The following CYRIB variants were observed in gnomAD, a reference collection of about 807,000 sequenced individuals.
CYRIB encodes CYFIP related Rac1 interactor B, also known as CYFIP-related Rac1 interactor B.
In CYRIB, 8 loss-of-function variants were observed where a neutral mutation model predicts 44.2. That is an observed-to-expected ratio of 0.18 (90% confidence interval 0.11 to 0.33). The LOEUF is 0.33. Ranked by LOEUF, CYRIB falls within the 10% of genes least tolerant of loss-of-function variation. The pLI is 1.00. For missense variants in CYRIB, 185 were observed against 382.8 expected (o/e 0.48, Z 4.31); for synonymous variants, 131 against 127.2 (o/e 1.03, Z -0.20).
intron 5 of CYRIB, among the ~76,000 whole-genome samples, chr8:129,857,413 T>G (rs1458170093): frequency 6.6e-6 from 1 of 152,136 alleles, no homozygotes; most frequent in Non-Finnish European, 1.5e-5. Flanking sequence ...AGCCAGACCC[T>G]GAACTGAGAA....
chr8:129,888,998 C>T (rs950608884), intron 2 of CYRIB, among the ~76,000 whole-genome samples: 7 of 152,116 alleles, frequency 4.6e-5, no homozygotes, highest in South Asian at 2.1e-4. Context: ...GAGGCTGAGG[C>T]AGGAGAACTG....
intron 3 of CYRIB, among the ~76,000 whole-genome samples, chr8:129,876,522 A>T (rs1365039713): frequency 1.3e-5 from 2 of 152,200 alleles, no homozygotes; most frequent in African/African-American, 4.8e-5. Context: ...TGTATGTTGA[A>T]CTGAAGTGAA....
chr8:129,912,731 A>T (rs1321909865), intron 1 of CYRIB, among the ~76,000 whole-genome samples: 1 of 149,480 alleles, frequency 6.7e-6, no homozygotes, highest in Non-Finnish European at 1.5e-5. Context: ...CTTGCAAGTC[A>T]TTTTTTTTTC....
chr8:129,976,339 A>G (rs1424354975), intron 1 of CYRIB, among the ~76,000 whole-genome samples: 1 of 152,240 alleles, frequency 6.6e-6, no homozygotes, highest in African/African-American at 2.4e-5. Flanking sequence ...TGCAATAAAC[A>G]TCTGCTATTT....
exon 12 of CYRIB, chr8:129,839,889 TATTC>T (rs1417083793): frequency 1.3e-5 from 2 of 152,284 alleles, no homozygotes; most frequent in African/African-American, 4.8e-5. Context: ...TTTTGATTTG[TATTC>T]ATTCAGTCCA....
intron 11 of CYRIB, among the ~76,000 whole-genome samples, chr8:129,844,975 T>A (rs889641508): frequency 6.6e-6 from 1 of 152,248 alleles, no homozygotes; most frequent in African/African-American, 2.4e-5. Context: ...CAACATTTTA[T>A]TTTCTAGTTT....
At chr8:129,982,455 G>T (rs970874473) in intron 1 of CYRIB, among the ~76,000 whole-genome samples, 2 of 152,150 alleles carry the variant, frequency 1.3e-5, no homozygotes, top group Non-Finnish European at 2.9e-5. Context: ...CTACTCTGTT[G>T]GACAATTCGA....
At chr8:129,906,788 C>T (rs191916119) in intron 1 of CYRIB, among the ~76,000 whole-genome samples, 6 of 152,216 alleles carry the variant, frequency 3.9e-5, no homozygotes, top group East Asian at 1.9e-4. Context: ...AACAAGTGGG[C>T]GAAGGATACG....
At chr8:129,869,078 A>G (rs796583623) in intron 4 of CYRIB, among the ~76,000 whole-genome samples, 4 of 150,998 alleles carry the variant, frequency 2.6e-5, no homozygotes, top group Non-Finnish European at 4.4e-5. Context: ...AAAAGAAGAA[A>G]AAAAAATAAA....
chr8:130,009,139 G>A (rs1331488981), intron 1 of CYRIB, among the ~76,000 whole-genome samples: 2 of 152,214 alleles, frequency 1.3e-5, no homozygotes, highest in African/African-American at 4.8e-5. Context: ...AGTCGGGTCT[G>A]AATCAAAGAT....
chr8:129,872,455 T>C (rs2133344574), intron 3 of CYRIB, among the ~76,000 whole-genome samples: 1 of 152,202 alleles, frequency 6.6e-6, no homozygotes, highest in South Asian at 2.1e-4. Flanking sequence ...TTAACAGAAA[T>C]CTTGCTTTTA....
intron 4 of CYRIB, among the ~76,000 whole-genome samples, chr8:129,869,298 G>A (rs568585558): frequency 1.0e-4 from 15 of 148,020 alleles, no homozygotes; most frequent in Non-Finnish European, 1.9e-4. Flanking sequence ...AGGCAGAATT[G>A]CTTGAACCTG....
intron 1 of CYRIB, among the ~76,000 whole-genome samples, chr8:129,930,379 A>ATATATATATATATATT (rs971468534): frequency 7.7e-6 from 1 of 130,134 alleles, no homozygotes; most frequent in Non-Finnish European, 1.6e-5. Context: ...ATATATATAT[A>ATATATATATATATATT]TTTTAATTAT....
At chr8:129,883,176 A>C (rs942669708) in intron 2 of CYRIB, among the ~76,000 whole-genome samples, 9 of 149,388 alleles carry the variant, frequency 6.0e-5, no homozygotes, top group African/African-American at 2.2e-4. Context: ...AGTGTTTCTC[A>C]GTCTCAGCAC....
chr8:129,902,647 A>G (rs2072889135), intron 2 of CYRIB, among the ~76,000 whole-genome samples: 1 of 152,202 alleles, frequency 6.6e-6, no homozygotes, highest in Admixed American at 6.5e-5. Context: ...CTGATGAGCT[A>G]GTTTTGAAAA....
At chr8:129,964,492 G>A (rs555180458) in intron 2 of CYRIB, among the ~76,000 whole-genome samples, 5 of 152,278 alleles carry the variant, frequency 3.3e-5, no homozygotes, top group South Asian at 2.1e-4. Context: ...TGGGTTACCC[G>A]TTTCCAAAAC....
chr8:129,840,932 C>G (rs956684771), exon 12 of CYRIB: 1 of 152,124 alleles, frequency 6.6e-6, no homozygotes, highest in Non-Finnish European at 1.5e-5. Context: ...TGTATTATAC[C>G]TCGGATATTC....
chr8:129,997,673 A>C (rs2133725467), intron 1 of CYRIB, among the ~76,000 whole-genome samples: 1 of 152,310 alleles, frequency 6.6e-6, no homozygotes, highest in South Asian at 2.1e-4. Context: ...CCAGAGAATC[A>C]CGATGCAGCT....
At chr8:129,878,375 T>C (rs181782929) in intron 3 of CYRIB, among the ~76,000 whole-genome samples, 4 of 152,292 alleles carry the variant, frequency 2.6e-5, no homozygotes, top group Admixed American at 6.5e-5. Context: ...TTACATAAAA[T>C]TGTAAAAACT....
Sources: allele counts gnomAD v4.1 joint callset (sites outside exome capture counted in the v4.1 genomes callset), GRCh38; gene constraint gnomAD v4.1.1; transcripts MANE v1.5; gene names NCBI Gene and HGNC (gene_info 2026-07-23, HGNC 2026-07-21).